Variants in PCDHGA8 observed in about 807,000 individuals in gnomAD.
PCDHGA8 encodes the protein protocadherin gamma subfamily A, 8, also known as protocadherin gamma-A8.
PCDHGA8 carries 45 observed loss-of-function variants against 59.2 expected under a neutral mutation model. That is an observed-to-expected ratio of 0.76 (90% confidence interval 0.60 to 0.98). The LOEUF is 0.98. Ranked by LOEUF, PCDHGA8 falls within the 50% of genes least tolerant of loss-of-function variation. PCDHGA8 has a pLI of 0.00. For synonymous variants in PCDHGA8, 531 were observed against 519.0 expected (o/e 1.02, Z -0.32); for missense variants, 1,257 against 1,196.2 (o/e 1.05, Z -0.75).
intron 1 of PCDHGA8, among the ~76,000 whole-genome samples, chr5:141,452,401 G>C (rs2098740635): frequency 6.6e-6 from 1 of 152,134 alleles, no homozygotes. Flanking sequence ...CTAAGATCTG[G>C]GTGTGAGGTA....
chr5:141,399,561 GT>G, intron 1 of PCDHGA8: 1 of 1,614,042 alleles, frequency 6.2e-7, no homozygotes, highest in Non-Finnish European at 8.5e-7. Context: ...TGGACTTGGG[GT>G]TGAACGGCCA....
Position 141,431,994 on chromosome 5 carries a change from G to A in PCDHGA8, c.2424+36757G>A, listed in dbSNP as rs2097434865. ...TTAGTCACAGACATAGTCTTGGATA[G>A]GGAACAGGTTCCTAGCTACAACATC... On this transcript the variant is annotated intron_variant, in intron 1 of 3. Coordinates refer to ENST00000398604, the MANE Select transcript of PCDHGA8 (RefSeq NM_032088.2). The surrounding 1 kb of genome is among the most constrained non-coding windows in gnomAD (Gnocchi z 4.8). 6.2e-7 allele frequency: 1 copy of A among 1,614,188 alleles called. No homozygotes were observed. Among genetic ancestry groups the A allele is most frequent in the Non-Finnish European group, 8.5e-7 (1 of 1,180,038 alleles).
chr5:141,407,735 T>C (rs2094975330), intron 1 of PCDHGA8, among the ~76,000 whole-genome samples: 1 of 152,246 alleles, frequency 6.6e-6, no homozygotes, highest in Non-Finnish European at 1.5e-5. Context: ...GTTCACTATA[T>C]ATACTCCCTA....
Position 141,511,669 on chromosome 5 carries a change from T to C in PCDHGA8, c.*496T>C, listed in dbSNP as rs1468492336. 1 of 199,424 alleles carries C rather than the reference T, an allele frequency of 5.0e-6. No individual in the cohort carries two copies. The highest frequency in any genetic ancestry group is 2.3e-5 in the African/African-American group (1 of 43,748). The allele number at this position is 199,424 out of a possible 1,614,324, so 12.4% of individuals were successfully genotyped here. ...TCTTGGCCTCTCCTTTGATTCTCAA[T>C]CTTCCCCCAAAGCATGGTTTGGTGC... On this transcript the variant is annotated 3_prime_UTR_variant, in exon 4 of 4. Coordinates refer to ENST00000398604, the MANE Select transcript of PCDHGA8 (RefSeq NM_032088.2).
chr5:141,413,989 G>C, intron 1 of PCDHGA8: 1 of 1,613,400 alleles, frequency 6.2e-7, no homozygotes, highest in East Asian at 2.2e-5. Context: ...CACAGCCACC[G>C]ACAGGGACGA....
At position 141,404,183 on chromosome 5, in the gene PCDHGA8, G is replaced by A; in HGVS notation, c.2424+8946G>A. The A allele has an allele frequency of 1.2e-6, 2 of 1,613,154 alleles. No individual in the cohort carries two copies. Among genetic ancestry groups the A allele is most frequent in the South Asian group, 1.1e-5 (1 of 90,926 alleles). On this transcript the variant is annotated intron_variant, in intron 1 of 3. Coordinates refer to ENST00000398604, the MANE Select transcript of PCDHGA8 (RefSeq NM_032088.2). Reference sequence around the variant, plus strand: ...CAGATTGTTGACGGCCCAAATTCTTGACCGAGAAAAAGCCTCAGAATATAA... The same window carrying A: ...CAGATTGTTGACGGCCCAAATTCTTAACCGAGAAAAAGCCTCAGAATATAA...
At chr5:141,475,832 T>G in intron 1 of PCDHGA8, 1 of 410,610 alleles carries the variant, frequency 2.4e-6, no homozygotes, top group Non-Finnish European at 4.4e-6. Flanking sequence ...CTAGCGCGTG[T>G]CCTGCTCAGA....
rs1032345173 is a variant in PCDHGA8 at position 141,468,852 on chromosome 5, C to T, written c.2425-25955C>T. Among the ~76,000 whole-genome samples the T allele has an allele frequency of 7.2e-5, 11 of 151,868 alleles. No individual in the cohort carries two copies. In the East Asian group the frequency reaches 9.7e-4, roughly 13 times the overall value. On this transcript the variant is annotated intron_variant, in intron 1 of 3. Transcript: ENST00000398604. ...CTGCACTCCAGCCTGGGCAACAGAG[C>T]GAGACTCCATCTCAAAAATAATAAT... is the stretch of plus-strand genomic sequence containing the variant.
At chr5:141,398,273 A>G (rs1223394149) in intron 1 of PCDHGA8, 1 of 1,414,722 alleles carries the variant, frequency 7.1e-7, no homozygotes, top group Non-Finnish European at 9.6e-7. Flanking sequence ...GTAGTGGGGA[A>G]CCTCGCCACG....
chr5:141,419,108 G>C (rs1449189374), intron 1 of PCDHGA8: 2 of 1,613,792 alleles, frequency 1.2e-6, no homozygotes, highest in African/African-American at 1.3e-5. Flanking sequence ...GCAGACCCCA[G>C]AGTACAACGT....
chr5:141,449,876 C>G (rs924666805), intron 1 of PCDHGA8, among the ~76,000 whole-genome samples: 2 of 151,724 alleles, frequency 1.3e-5, no homozygotes, highest in Non-Finnish European at 2.9e-5. Flanking sequence ...AATTTAACAT[C>G]AATGCAATAT....
chr5:141,403,120 C>T, intron 1 of PCDHGA8: 2 of 1,614,050 alleles, frequency 1.2e-6, no homozygotes, highest in Non-Finnish European at 1.7e-6. Flanking sequence ...CTCTGGAGCC[C>T]CGGGAGCTGG....
chr5:141,501,130 G>C (rs528942194), intron 2 of PCDHGA8, among the ~76,000 whole-genome samples: 1 of 152,218 alleles, frequency 6.6e-6, no homozygotes, highest in South Asian at 2.1e-4. Flanking sequence ...GCCTCCCTAA[G>C]TGCTGGGATT....
intron 1 of PCDHGA8, chr5:141,409,624 G>A (rs747166507): frequency 2.5e-6 from 4 of 1,613,846 alleles, no homozygotes; most frequent in Non-Finnish European, 3.4e-6. Flanking sequence ...TTGCGCAAGT[G>A]AGCGCCTCTG....
intron 1 of PCDHGA8, among the ~76,000 whole-genome samples, chr5:141,475,750 T>C (rs1158317865): frequency 6.6e-6 from 1 of 152,270 alleles, no homozygotes; most frequent in African/African-American, 2.4e-5. Context: ...AGGTTTCCTA[T>C]GCACCGATAC....
At chr5:141,465,775 T>TA (rs2099108994) in intron 1 of PCDHGA8, among the ~76,000 whole-genome samples, 1 of 152,030 alleles carries the variant, frequency 6.6e-6, no homozygotes, top group African/African-American at 2.4e-5. Context: ...CATCTCTTGT[T>TA]ACAGTTTTTT....
At chr5:141,418,674 GCAT>G (rs1401114725) in intron 1 of PCDHGA8, 1 of 1,614,032 alleles carries the variant, frequency 6.2e-7, no homozygotes, top group Non-Finnish European at 8.5e-7. Flanking sequence ...CAGGACGAGG[GCAT>G]CAACTCAGAG....
intron 1 of PCDHGA8, among the ~76,000 whole-genome samples, chr5:141,397,623 T>A (rs2093546552): frequency 6.6e-6 from 1 of 152,242 alleles, no homozygotes; most frequent in South Asian, 2.1e-4. Context: ...TACTTAGTTC[T>A]AGCTAAGAGT....
At chr5:141,456,306 G>C (rs937409031) in intron 1 of PCDHGA8, among the ~76,000 whole-genome samples, 1 of 152,158 alleles carries the variant, frequency 6.6e-6, no homozygotes, top group Non-Finnish European at 1.5e-5. Context: ...GAGAACAGCA[G>C]CTAGGGCTCC....
Sources: allele counts gnomAD v4.1 joint callset (sites outside exome capture counted in the v4.1 genomes callset), GRCh38; gene constraint gnomAD v4.1.1; non-coding constraint Gnocchi (gnomAD v3.1); transcripts MANE v1.5; gene names NCBI Gene and HGNC (gene_info 2026-07-23, HGNC 2026-07-21).